PCDH11X: variants seen among roughly 807,000 people sequenced by gnomAD.
The protein encoded by PCDH11X is protocadherin 11 X-linked, also known as protocadherin-11 X-linked.
In PCDH11X, 18 loss-of-function variants were observed where a neutral mutation model predicts 53.3. The ratio of observed to expected loss-of-function variants is 0.34; its 90% CI spans 0.23 to 0.50. The LOEUF (loss-of-function observed/expected upper bound fraction) is 0.50, where lower values mean the gene tolerates loss of function less well. Ranked by LOEUF, PCDH11X falls within the 20% of genes least tolerant of loss-of-function variation. The probability of loss-of-function intolerance (pLI) is 0.98; values close to 1 mark genes in which losing one functional copy is unlikely to be tolerated. For missense variants in PCDH11X, 570 were observed against 1,032.4 expected (o/e 0.55, Z 6.14); for synonymous variants, 279 against 393.3 (o/e 0.71, Z 3.44).
intron 6 of PCDH11X, among the ~76,000 whole-genome samples, chrX:91,888,226 A>G (rs1940321458): frequency 8.9e-6 from 1 of 112,234 alleles, no homozygotes; most frequent in African/African-American, 3.2e-5. Flanking sequence ...AATAATGAAA[A>G]TGAACTATTC....
In PCDH11X at chrX:92,316,016, T is replaced by C. The variant is rs187856324; in HGVS notation, c.3144+52873T>C. 6.5e-5 allele frequency among the ~76,000 whole-genome samples: 5 copies of C among 76,759 alleles called. 1 individual carries two copies. The allele number at this position is 76,759 out of a possible 115,157, so 66.7% of individuals were successfully genotyped here. A position where few individuals can be genotyped will look rare whatever the true frequency, so the allele number is the denominator to read the frequency against. On this transcript the variant is annotated intron_variant, in intron 8 of 10. Coordinates refer to ENST00000682573, the MANE Select transcript of PCDH11X (RefSeq NM_032968.5). ...TGGCAAATGAATTCAACATGAATAT[T>C]ACATTAATAGAACAAATTATCAGTG...
intron 6 of PCDH11X, among the ~76,000 whole-genome samples, chrX:92,199,839 TAG>T (rs2066359636): frequency 8.9e-6 from 1 of 111,804 alleles, no homozygotes; most frequent in East Asian, 2.8e-4. Flanking sequence ...TACATCCACA[TAG>T]ACTTATACTT....
At chrX:92,474,293 C>T (rs2073330112) in intron 10 of PCDH11X, among the ~76,000 whole-genome samples, 1 of 110,671 alleles carries the variant, frequency 9.0e-6, no homozygotes, top group Non-Finnish European at 1.9e-5. Context: ...TTTTTATTGG[C>T]ATGGAATATC....
chrX:91,892,765 G>A (rs1357056935), intron 6 of PCDH11X, among the ~76,000 whole-genome samples: 1 of 107,229 alleles, frequency 9.3e-6, no homozygotes, highest in Non-Finnish European at 1.9e-5. Context: ...GCAGTGGCAC[G>A]ATCTTGGCTC....
chrX:92,248,360 C>A (rs1306787927), intron 7 of PCDH11X, among the ~76,000 whole-genome samples: 5 of 111,642 alleles, frequency 4.5e-5, no homozygotes, highest in African/African-American at 1.3e-4. Flanking sequence ...TATAACTAGT[C>A]TTTAATTAAA....
At chrX:91,914,380 G>A (rs1402288487) in intron 6 of PCDH11X, among the ~76,000 whole-genome samples, 5 of 111,134 alleles carry the variant, frequency 4.5e-5, no homozygotes, top group Non-Finnish European at 5.7e-5. Flanking sequence ...AGATCCCCAC[G>A]AATGGATCCA....
At chrX:91,907,405 A>C (rs867675123) in intron 6 of PCDH11X, among the ~76,000 whole-genome samples, 2,098 of 72,506 alleles carry the variant, frequency 0.029, 41 homozygotes, top group Non-Finnish European at 0.037. Context: ...ACACACACAC[A>C]CACACACAGA....
At chrX:92,051,482 A>G (rs1273980132) in intron 6 of PCDH11X, among the ~76,000 whole-genome samples, 1 of 111,703 alleles carries the variant, frequency 9.0e-6, no homozygotes, top group Non-Finnish European at 1.9e-5. Context: ...TTAGGTGTTT[A>G]CTATTTATGG....
intron 6 of PCDH11X, among the ~76,000 whole-genome samples, chrX:91,950,355 A>T (rs2061623399): frequency 9.3e-6 from 1 of 107,532 alleles, no homozygotes; most frequent in African/African-American, 3.4e-5. Context: ...CAGTCTATAT[A>T]CTTTTGCATA....
chrX:92,478,250 G>T (rs35949380), intron 10 of PCDH11X, among the ~76,000 whole-genome samples: 51 of 110,386 alleles, frequency 4.6e-4, no homozygotes, highest in African/African-American at 1.6e-3. Context: ...GCCCACTCTC[G>T]AGTATTTGTT....
At chrX:92,468,377 G>C in intron 10 of PCDH11X, 55 bp downstream of exon 10, 1 of 1,159,115 alleles carries the variant, frequency 8.6e-7, no homozygotes. Flanking sequence ...ATTTTAAAAT[G>C]CAGTGCTGAT....
rs754640056 is a variant in PCDH11X at position 92,183,521 on chromosome X, G to A, written c.3034-17854G>A. Among the ~76,000 whole-genome samples the A allele has an allele frequency of 1.4e-3, 154 of 111,824 alleles. 2 individuals carry two copies. The highest frequency in any genetic ancestry group is 4.5e-3 in the African/African-American group (138 of 30,834). ...ATCTTCCCACCTCAGCCTCCCAGGC[G>A]TGAGCCACCGTGCCTGGCTGAGAAA... On this transcript the variant is annotated intron_variant, in intron 6 of 10. Transcript: ENST00000682573.
chrX:91,886,678 A>G (rs1940209248), intron 6 of PCDH11X, among the ~76,000 whole-genome samples: 1 of 108,913 alleles, frequency 9.2e-6, no homozygotes, highest in Admixed American at 1.0e-4. Context: ...GAATAAAAAT[A>G]TGTATATACT....
intron 10 of PCDH11X, among the ~76,000 whole-genome samples, chrX:92,556,354 AG>A (rs2075045994): frequency 9.0e-6 from 1 of 111,682 alleles, no homozygotes; most frequent in Non-Finnish European, 1.9e-5. Context: ...TCTGCCTGTG[AG>A]CCTGTAAAAT....
At chrX:92,338,371 T>C (rs2069670798) in intron 8 of PCDH11X, among the ~76,000 whole-genome samples, 1 of 111,576 alleles carries the variant, frequency 9.0e-6, no homozygotes, top group East Asian at 2.8e-4. Context: ...CTGTGGACTG[T>C]CACAATGTTC....
At chrX:91,960,879 G>A (rs2525337) in intron 6 of PCDH11X, among the ~76,000 whole-genome samples, 16 of 111,076 alleles carry the variant, frequency 1.4e-4, no homozygotes, top group Admixed American at 1.9e-4. Context: ...TGGTGCTCTC[G>A]TCTAAGATTA....
intron 9 of PCDH11X, among the ~76,000 whole-genome samples, chrX:92,419,669 CTTTTTTTTTTTTTT>C (rs757189751): frequency 5.5e-5 from 3 of 54,190 alleles, no homozygotes; most frequent in African/African-American, 7.7e-5. Context: ...TCCCTCCACC[CTTTTTTTTTTTTTT>C]TTTTTTTTTT....
Position 91,887,716 on chromosome X carries a change from T to A in PCDH11X, c.3033+8443T>A, listed in dbSNP as rs1351310345. 2.7e-5 allele frequency among the ~76,000 whole-genome samples: 3 copies of A among 111,670 alleles called. No individual in the cohort carries two copies. In the East Asian group the frequency reaches 8.4e-4, roughly 31 times the overall value. On this transcript the variant is annotated intron_variant, in intron 6 of 10. Transcript: ENST00000682573. ...GTGGTGCATTTTAAAATTATAGAAT[T>A]ATGCTTATTGTTTTATAAACTATAC...
chrX:92,491,076 G>A (rs2073755566), intron 10 of PCDH11X, among the ~76,000 whole-genome samples: 2 of 100,669 alleles, frequency 2.0e-5, no homozygotes, highest in Admixed American at 2.2e-4. Flanking sequence ...ACTGAAACAG[G>A]TCTAACTTTC....
Sources: gnomAD v4.1 joint callset for allele counts (sites outside exome capture counted in the v4.1 genomes callset) on GRCh38, gnomAD v4.1.1 for gene constraint, MANE v1.5 for transcripts, NCBI Gene and HGNC (gene_info 2026-07-23, HGNC 2026-07-21) for gene names.